The following FYN variants were observed in gnomAD, a reference collection of about 807,000 sequenced individuals.
The protein encoded by FYN is tyrosine-protein kinase Fyn.
Under a neutral mutation model 70.2 loss-of-function variants are expected in FYN, and 10 were observed. That is an observed-to-expected ratio of 0.14 (90% CI 0.09 to 0.24). The LOEUF (loss-of-function observed/expected upper bound fraction) is 0.24, where lower values mean the gene tolerates loss of function less well. FYN is among the 10% of genes least tolerant of loss of function. The pLI, the probability that FYN is intolerant of heterozygous loss-of-function variation, is 1.00. For missense variants in FYN, 319 were observed against 673.1 expected (o/e 0.47, Z 5.82); for synonymous variants, 236 against 248.6 (o/e 0.95, Z 0.48).
At chr6:111,823,655 C>T (rs1006572833) in intron 2 of FYN, among the ~76,000 whole-genome samples, 1 of 152,142 alleles carries the variant, frequency 6.6e-6, no homozygotes, top group Non-Finnish European at 1.5e-5. Context: ...CTTTAAGATT[C>T]TACACACTCG....
At position 111,661,618 on chromosome 6, in the gene FYN, T is replaced by A; in HGVS notation, c.*121A>T. On this transcript the variant is annotated 3_prime_UTR_variant, in exon 14 of 14. Transcript: ENST00000354650. The surrounding 1 kb of genome is among the most constrained non-coding windows in gnomAD (Gnocchi z 4.0). ...CCATGGAAGTTCGTCAGCTTCAGAGTCACATGCAATCTGATCCTGGGCGGT... is the reference window on the plus strand; with the variant it reads ...CCATGGAAGTTCGTCAGCTTCAGAGACACATGCAATCTGATCCTGGGCGGT... The A allele has an allele frequency of 1.1e-6, 1 of 896,974 alleles. No homozygotes were observed. The highest frequency in any genetic ancestry group is 1.7e-6 in the Non-Finnish European group (1 of 577,594). The allele number at this position is 896,974 out of a possible 1,614,324, so 55.6% of individuals were successfully genotyped here.
intron 7 of FYN, among the ~76,000 whole-genome samples, chr6:111,703,673 A>AT (rs751110628): frequency 5.9e-5 from 9 of 152,242 alleles, no homozygotes; most frequent in Non-Finnish European, 8.8e-5. Context: ...AACAACCTGT[A>AT]TGACTGGCAC....
chr6:111,690,664 G>A (rs1799276418), intron 12 of FYN, among the ~76,000 whole-genome samples: 1 of 152,162 alleles, frequency 6.6e-6, no homozygotes, highest in South Asian at 2.1e-4. Flanking sequence ...TTATCACTAT[G>A]TGCTGGGTAC....
chr6:111,743,328 T>C (rs970664621), intron 3 of FYN, among the ~76,000 whole-genome samples: 10 of 152,230 alleles, frequency 6.6e-5, no homozygotes, highest in African/African-American at 2.4e-4. Context: ...AAAATGTGGC[T>C]TCCTCTATCT....
At chr6:111,787,081 T>C (rs1484630304) in intron 2 of FYN, among the ~76,000 whole-genome samples, 20 of 152,210 alleles carry the variant, frequency 1.3e-4, no homozygotes. Flanking sequence ...TAGATCCCAT[T>C]TGTCAATTTT....
At chr6:111,858,835 A>C (rs1773888161) in intron 1 of FYN, among the ~76,000 whole-genome samples, 1 of 148,100 alleles carries the variant, frequency 6.8e-6, no homozygotes, top group Non-Finnish European at 1.5e-5. Context: ...ACACTTACCT[A>C]GGATTTAAAA....
At chr6:111,795,171 C>T (rs1470456386) in intron 2 of FYN, among the ~76,000 whole-genome samples, 1 of 150,154 alleles carries the variant, frequency 6.7e-6, no homozygotes, top group Non-Finnish European at 1.5e-5. Context: ...CCCTAGCACA[C>T]ATCAGAATGT....
intron 9 of FYN, among the ~76,000 whole-genome samples, chr6:111,697,763 T>C (rs1799636540): frequency 6.6e-6 from 1 of 152,262 alleles, no homozygotes; most frequent in Admixed American, 6.5e-5. Context: ...CATGTTGTCT[T>C]GTGTTTATTG....
At chr6:111,686,017 A>G (rs10872074) in intron 12 of FYN, among the ~76,000 whole-genome samples, 10,744 of 152,212 alleles carry the variant, frequency 0.071, 623 homozygotes, top group African/African-American at 0.17. Flanking sequence ...AACAGTTTTA[A>G]TCTTTAAAGA....
At chr6:111,664,151 GC>G (rs1797892840) in intron 13 of FYN, among the ~76,000 whole-genome samples, 1 of 152,148 alleles carries the variant, frequency 6.6e-6, no homozygotes, top group Non-Finnish European at 1.5e-5. Context: ...CAAAGCATTT[GC>G]CTTGCCGCAT....
chr6:111,752,326 G>A (rs1370729976), intron 3 of FYN, among the ~76,000 whole-genome samples: 1 of 152,192 alleles, frequency 6.6e-6, no homozygotes, highest in African/African-American at 2.4e-5. Context: ...TTAAAAAGAT[G>A]AATAAGCTAT....
chr6:111,693,517 A>C (rs1799442423), intron 12 of FYN, among the ~76,000 whole-genome samples: 1 of 152,076 alleles, frequency 6.6e-6, no homozygotes, highest in Non-Finnish European at 1.5e-5. Flanking sequence ...TATTCCTAAA[A>C]ACTCCTTTCT....
intron 1 of FYN, among the ~76,000 whole-genome samples, chr6:111,852,421 C>A (rs905648906): frequency 6.6e-6 from 1 of 152,104 alleles, no homozygotes; most frequent in African/African-American, 2.4e-5. Context: ...TTAACAAACA[C>A]CGTGTGGAGA....
intron 3 of FYN, among the ~76,000 whole-genome samples, chr6:111,747,429 A>G (rs1802276798): frequency 6.6e-6 from 1 of 152,242 alleles, no homozygotes; most frequent in Admixed American, 6.5e-5. Flanking sequence ...TGTTTAAAGC[A>G]GCATCACAAA....
intron 3 of FYN, among the ~76,000 whole-genome samples, chr6:111,726,771 T>C (rs915676366): frequency 1.3e-5 from 2 of 152,202 alleles, no homozygotes; most frequent in African/African-American, 4.8e-5. Context: ...ATAATCTCCA[T>C]GTGTCAAGGG....
chr6:111,769,405 A>G (rs1163530147), intron 3 of FYN, among the ~76,000 whole-genome samples: 2 of 152,030 alleles, frequency 1.3e-5, no homozygotes, highest in African/African-American at 4.8e-5. Context: ...TTCTTTTGTC[A>G]TTTTCTCCCC....
intron 1 of FYN, among the ~76,000 whole-genome samples, chr6:111,855,104 A>T (rs550976036): frequency 1.3e-5 from 2 of 152,222 alleles, no homozygotes; most frequent in Non-Finnish European, 2.9e-5. Context: ...CATTAGCAGA[A>T]GAAAAAAACT....
intron 3 of FYN, among the ~76,000 whole-genome samples, chr6:111,751,489 A>G (rs17072872): frequency 0.32 from 48,488 of 151,606 alleles, 8,787 homozygotes; most frequent in East Asian, 0.47. Context: ...CTGACACAGT[A>G]TAACTACAGC....
At chr6:111,823,959 C>T (rs934143220) in intron 2 of FYN, among the ~76,000 whole-genome samples, 8 of 152,104 alleles carry the variant, frequency 5.3e-5, no homozygotes, top group African/African-American at 1.7e-4. Context: ...TTAATCAGTT[C>T]GGCATACATT....
Sources: gnomAD v4.1 joint callset for allele counts (sites outside exome capture counted in the v4.1 genomes callset) on GRCh38, gnomAD v4.1.1 for gene constraint, Gnocchi (gnomAD v3.1) non-coding constraint, MANE v1.5 for transcripts, NCBI Gene and HGNC (gene_info 2026-07-23, HGNC 2026-07-21) for gene names.